CPA6: variants seen among roughly 807,000 people sequenced by gnomAD.
The protein encoded by CPA6 is carboxypeptidase B.
Under a neutral mutation model 63.3 loss-of-function variants are expected in CPA6, and 58 were observed. That is an observed-to-expected ratio of 0.92 (90% CI 0.74 to 1.14). The LOEUF is 1.14. Among genes scored for constraint, CPA6 ranks in the 50% most tolerant of loss-of-function variants. The probability of loss-of-function intolerance (pLI) is 0.00; values close to 1 mark genes in which losing one functional copy is unlikely to be tolerated. For missense variants in CPA6, 565 were observed against 526.6 expected (o/e 1.07, Z -0.71); for synonymous variants, 185 against 179.0 (o/e 1.03, Z -0.27).
chr8:67,737,240 A>T (rs1224828812), intron 1 of CPA6, among the ~76,000 whole-genome samples: 1 of 152,064 alleles, frequency 6.6e-6, no homozygotes, highest in Non-Finnish European at 1.5e-5. Flanking sequence ...TGTTATAGCC[A>T]TACTCAATTG....
intron 1 of CPA6, among the ~76,000 whole-genome samples, chr8:67,713,518 A>C (rs1817316810): frequency 6.6e-6 from 1 of 152,138 alleles, no homozygotes. Flanking sequence ...GCTCTGCTTT[A>C]GTGAAAAAGA....
intron 1 of CPA6, among the ~76,000 whole-genome samples, chr8:67,719,282 G>A (rs1052660145): frequency 2.7e-4 from 41 of 152,236 alleles, no homozygotes; most frequent in African/African-American, 8.2e-4. Context: ...AACTTAAAAT[G>A]AGCGGCTGAA....
intron 1 of CPA6, among the ~76,000 whole-genome samples, chr8:67,734,092 G>GAGCGCA (rs1436597068): frequency 2.5e-4 from 38 of 151,218 alleles, no homozygotes; most frequent in African/African-American, 9.2e-4. Context: ...GGCCAGGCTG[G>GAGCGCA]GTCTCCAACT....
At chr8:67,466,752 T>C (rs1810935506) in intron 8 of CPA6, among the ~76,000 whole-genome samples, 2 of 152,212 alleles carry the variant, frequency 1.3e-5, no homozygotes, top group Non-Finnish European at 2.9e-5. Flanking sequence ...TTAATTTCCA[T>C]GTGACTGTGT....
intron 8 of CPA6, 200 bp downstream of exon 8, chr8:67,483,568 T>C: frequency 1.7e-6 from 1 of 584,676 alleles, no homozygotes; most frequent in Non-Finnish European, 3.0e-6. Flanking sequence ...TTAAAATCCT[T>C]GATTTTTATA....
At chr8:67,476,551 C>CT (rs1162086045) in intron 8 of CPA6, among the ~76,000 whole-genome samples, 16 of 121,170 alleles carry the variant, frequency 1.3e-4, no homozygotes, top group African/African-American at 6.8e-4. Flanking sequence ...CTCTCTCTCT[C>CT]TCTTTTTTTT....
At chr8:67,424,429 A>T (rs1809839950) in intron 10 of CPA6, among the ~76,000 whole-genome samples, 1 of 152,022 alleles carries the variant, frequency 6.6e-6, no homozygotes. Flanking sequence ...GAGCCCTCTG[A>T]CTTTCCCCCG....
At chr8:67,552,081 T>C (rs762628508) in intron 2 of CPA6, among the ~76,000 whole-genome samples, 19 of 152,368 alleles carry the variant, frequency 1.2e-4, no homozygotes, top group Non-Finnish European at 2.2e-4. Flanking sequence ...AAAAATTCTC[T>C]TAGTTCTCTT....
intron 1 of CPA6, among the ~76,000 whole-genome samples, chr8:67,743,271 T>C (rs1435634664): frequency 6.6e-6 from 1 of 152,206 alleles, no homozygotes; most frequent in Non-Finnish European, 1.5e-5. Flanking sequence ...GCTTTTGTCA[T>C]CAGATTTTTC....
intron 6 of CPA6, among the ~76,000 whole-genome samples, chr8:67,493,680 T>G (rs879358154): frequency 6.6e-6 from 1 of 152,194 alleles, no homozygotes; most frequent in Non-Finnish European, 1.5e-5. Flanking sequence ...TTTCCAATAA[T>G]CAAACTGGGC....
intron 1 of CPA6, among the ~76,000 whole-genome samples, chr8:67,667,285 G>T (rs897123810): frequency 6.6e-6 from 1 of 152,250 alleles, no homozygotes; most frequent in Non-Finnish European, 1.5e-5. Context: ...CAGGCCGCTT[G>T]CTGACTGGGT....
chr8:67,467,665 C>CACTGTTGAT (rs1810957288), intron 8 of CPA6, among the ~76,000 whole-genome samples: 1 of 152,062 alleles, frequency 6.6e-6, no homozygotes, highest in East Asian at 1.9e-4. Flanking sequence ...CTTTGGTTGA[C>CACTGTTGAT]ACTGTTGATA....
intron 2 of CPA6, among the ~76,000 whole-genome samples, chr8:67,618,037 G>T (rs887520547): frequency 2.0e-5 from 3 of 152,120 alleles, no homozygotes; most frequent in Non-Finnish European, 2.9e-5. Context: ...ACCCACCTTG[G>T]CAATCTCCCT....
chr8:67,607,764 G>C (rs1180068967), intron 2 of CPA6, among the ~76,000 whole-genome samples: 1 of 152,098 alleles, frequency 6.6e-6, no homozygotes, highest in Non-Finnish European at 1.5e-5. Flanking sequence ...TCCACATTGT[G>C]ATATCTATGT....
At chr8:67,650,393 G>A (rs900253245) in intron 1 of CPA6, among the ~76,000 whole-genome samples, 2 of 152,108 alleles carry the variant, frequency 1.3e-5, no homozygotes, top group South Asian at 2.1e-4. Flanking sequence ...TTAGCTCTAT[G>A]TTCATCTGTT....
At chr8:67,545,280 C>G (rs549784260) in intron 2 of CPA6, among the ~76,000 whole-genome samples, 120 of 152,210 alleles carry the variant, frequency 7.9e-4, no homozygotes, top group African/African-American at 2.6e-3. Flanking sequence ...TCCATAAACC[C>G]CAATGCTCCT....
intron 3 of CPA6, among the ~76,000 whole-genome samples, chr8:67,516,873 T>C (rs557147584): frequency 5.9e-5 from 9 of 152,146 alleles, no homozygotes; most frequent in African/African-American, 1.2e-4. Flanking sequence ...CTCAGCTCAC[T>C]GTAACCTCTG....
chr8:67,697,537 G>A (rs1192952742), intron 1 of CPA6, among the ~76,000 whole-genome samples: 1 of 152,174 alleles, frequency 6.6e-6, no homozygotes, highest in Non-Finnish European at 1.5e-5. Context: ...ATGCTATAAA[G>A]GACCTGTGCC....
At chr8:67,637,072 T>A (rs1312314850) in intron 1 of CPA6, among the ~76,000 whole-genome samples, 3 of 151,684 alleles carry the variant, frequency 2.0e-5, no homozygotes, top group Admixed American at 6.6e-5. Flanking sequence ...GACTTCACTC[T>A]TGGATTAAAG....
Sources: allele counts gnomAD v4.1 joint callset (sites outside exome capture counted in the v4.1 genomes callset), GRCh38; gene constraint gnomAD v4.1.1; transcripts MANE v1.5; gene names NCBI Gene and HGNC (gene_info 2026-07-23, HGNC 2026-07-21).